The following ARHGAP8 variants were observed in gnomAD, a reference collection of about 807,000 sequenced individuals.
ARHGAP8 encodes the protein rho GTPase-activating protein 8.
A neutral mutation model predicts 46.1 loss-of-function variants in ARHGAP8; 62 were observed. The observed-to-expected ratio is 1.34, with a 90% CI of 1.10 to 1.66. The LOEUF (loss-of-function observed/expected upper bound fraction) is 1.66. Among genes scored for constraint, ARHGAP8 ranks in the 40% most tolerant of loss-of-function variants. ARHGAP8 has a pLI of 0.00. For missense variants in ARHGAP8, 923 were observed against 568.4 expected, an observed-to-expected ratio of 1.62 and a Z score of -6.34; for synonymous variants, 375 against 243.1, an observed-to-expected ratio of 1.54 and a Z score of -5.05.
At chr22:44,796,483 G>T (rs185968540) in intron 2 of ARHGAP8, among the ~76,000 whole-genome samples, 57 of 152,114 alleles carry the variant, frequency 3.7e-4, no homozygotes, top group African/African-American at 1.3e-3. Context: ...TGGCGGGGGT[G>T]GGGGGCTCTA....
chr22:44,761,027 G>T (rs944825705), intron 1 of ARHGAP8, among the ~76,000 whole-genome samples: 1 of 152,202 alleles, frequency 6.6e-6, no homozygotes, highest in African/African-American at 2.4e-5. Flanking sequence ...GGGCCCACTT[G>T]TAATGTCTGG....
Position 44,764,941 on chromosome 22 carries a change from TGTG to T in ARHGAP8, c.-72+12318_-72+12320del, listed in dbSNP as rs368281965. ...CTGTTGCTACACAAGGCCCGGATTA[TGTG>T]GTGCTCACATTGAGTGAGGAAACTT... On this transcript the variant is annotated intron_variant, in intron 1 of 11. Coordinates refer to ENST00000356099, the MANE Select transcript of ARHGAP8 (RefSeq NM_181335.3). 3.3e-4 allele frequency among the ~76,000 whole-genome samples: 50 copies of T among 152,338 alleles called. No homozygotes were observed. In the South Asian group the frequency reaches 9.7e-3, roughly 30 times the overall value.
chr22:44,859,652 C>A (rs747894346), intron 10 of ARHGAP8, 79 bp from the exon 11 acceptor site: 1 of 1,498,820 alleles, frequency 6.7e-7, no homozygotes, highest in African/African-American at 1.4e-5. Context: ...TTCCTACACC[C>A]CTGTTCTCCT....
intron 11 of ARHGAP8, among the ~76,000 whole-genome samples, chr22:44,861,915 C>CGG (rs2070506622): frequency 1.3e-5 from 2 of 152,084 alleles, no homozygotes; most frequent in Non-Finnish European, 2.9e-5. Flanking sequence ...GTTCGCCACT[C>CGG]ACAGAGCCGA....
chr22:44,759,101 G>A (rs964410848), intron 1 of ARHGAP8, among the ~76,000 whole-genome samples: 12 of 152,238 alleles, frequency 7.9e-5, no homozygotes, highest in Non-Finnish European at 1.5e-5. Flanking sequence ...ACCCTGGAGT[G>A]TGGGTGGAAC....
chr22:44,764,551 G>C (rs1449983820), intron 1 of ARHGAP8, among the ~76,000 whole-genome samples: 2 of 152,236 alleles, frequency 1.3e-5, no homozygotes, highest in East Asian at 3.9e-4. Context: ...CAGGTTCTCT[G>C]CTGGAGCCGA....
In ARHGAP8 at chr22:44,862,657, T is replaced by TTGTAAA. The variant is rs1158706923; in HGVS notation, c.*63_*68dup. The TTGTAAA allele has an allele frequency of 6.7e-7, 1 of 1,497,140 alleles. No homozygotes were observed. The highest frequency in any genetic ancestry group is 1.4e-5 in the African/African-American group (1 of 71,426). 92.7% of individuals were successfully genotyped at this position (1,497,140 alleles called of 1,614,324 possible). On this transcript the variant is annotated 3_prime_UTR_variant, in exon 12 of 12. Transcript: ENST00000356099. ...ACACCTGTCTGTGCACTTGTATGTT[T>TTGTAAA]TGTAAACTTGGCATCTGTAAAAATA...
intron 7 of ARHGAP8, among the ~76,000 whole-genome samples, chr22:44,830,973 G>A (rs1303494242): frequency 6.6e-6 from 1 of 152,014 alleles, no homozygotes; most frequent in East Asian, 1.9e-4. Context: ...TACCTTCTTT[G>A]GAAAAATGTA....
intron 7 of ARHGAP8, among the ~76,000 whole-genome samples, chr22:44,826,178 T>C (rs1257904225): frequency 6.6e-6 from 1 of 152,036 alleles, no homozygotes; most frequent in Non-Finnish European, 1.5e-5. Flanking sequence ...TGGTGATGTA[T>C]AGGCCTGGGT....
At chr22:44,860,511 C>T (rs1026462543) in intron 11 of ARHGAP8, among the ~76,000 whole-genome samples, 3 of 149,506 alleles carry the variant, frequency 2.0e-5, no homozygotes, top group Non-Finnish European at 4.4e-5. Context: ...GGTTTAGGAC[C>T]CACCCAGATG....
Position 44,814,672 on chromosome 22 carries a change from G to C in ARHGAP8, c.300G>C (p.Lys100Asn). 6.2e-7 allele frequency: 1 copy of C among 1,613,740 alleles called. No individual in the cohort carries two copies. Among genetic ancestry groups the C allele is most frequent in the Non-Finnish European group, 8.5e-7 (1 of 1,179,848 alleles). ...AGTCATCCCCCGTTTCCCTCCTCAGGTACAAGAAGAACTTGAAGGCCCTCT... is the reference window on the plus strand; with the variant it reads ...AGTCATCCCCCGTTTCCCTCCTCAGCTACAAGAAGAACTTGAAGGCCCTCT... ...LQSAYKEFDRKYKKNLKALYV... is the reference protein window; with the variant it reads ...LQSAYKEFDRNYKKNLKALYV... Residue 100 changes from lysine (K) to asparagine (N), a missense_variant and splice_region_variant, in exon 5 of 12, where the codon AAG becomes AAC. Coordinates refer to ENST00000356099, the MANE Select transcript of ARHGAP8 (RefSeq NM_181335.3).
At chr22:44,835,135 A>T (rs375504341) in intron 7 of ARHGAP8, among the ~76,000 whole-genome samples, 11 of 151,668 alleles carry the variant, frequency 7.3e-5, no homozygotes, top group African/African-American at 2.7e-4. Context: ...TTTGTTTTCT[A>T]TATGTCTTTT....
intron 7 of ARHGAP8, among the ~76,000 whole-genome samples, chr22:44,843,644 C>A (rs553627860): frequency 1.3e-5 from 2 of 152,042 alleles, no homozygotes; most frequent in East Asian, 3.9e-4. Flanking sequence ...GCCTGGACAA[C>A]ATGACAAAAC....
chr22:44,846,144 G>A (rs770623028), intron 8 of ARHGAP8, among the ~76,000 whole-genome samples: 11 of 152,136 alleles, frequency 7.2e-5, no homozygotes, highest in Non-Finnish European at 1.2e-4. Context: ...CTCTGCCCAC[G>A]GACTCAGCAC....
chr22:44,778,227 A>G (rs1432904038), intron 1 of ARHGAP8, among the ~76,000 whole-genome samples: 1 of 151,812 alleles, frequency 6.6e-6, no homozygotes, highest in Non-Finnish European at 1.5e-5. Flanking sequence ...TGTTTTTCTT[A>G]TGCCTTTGCA....
At chr22:44,830,024 CT>C (rs386395573) in intron 7 of ARHGAP8, among the ~76,000 whole-genome samples, 71 of 142,514 alleles carry the variant, frequency 5.0e-4, no homozygotes, top group East Asian at 6.1e-4. Flanking sequence ...TCCTCTCTCT[CT>C]TTTTTTTTTT....
intron 1 of ARHGAP8, among the ~76,000 whole-genome samples, chr22:44,770,810 G>A (rs1309057387): frequency 1.3e-5 from 2 of 152,170 alleles, no homozygotes; most frequent in East Asian, 3.9e-4. Context: ...CTAGGTCTTT[G>A]CAGAATTCAG....
chr22:44,862,569 C>T lies in ARHGAP8; in HGVS notation c.1276C>T (p.Leu426=). The T allele has an allele frequency of 1.3e-6, 2 of 1,591,468 alleles. No homozygotes were observed. Among genetic ancestry groups the T allele is most frequent in the Non-Finnish European group, 1.7e-6 (2 of 1,163,682 alleles). The change falls in exon 12 of 12, where the codon CTG becomes TTG. Residue 426 remains leucine (L), a synonymous_variant. Coordinates refer to ENST00000356099, the MANE Select transcript of ARHGAP8 (RefSeq NM_181335.3). The stretch of plus-strand genomic sequence containing the variant: ...CAAGCCTACCCTACCTCCGAGTCCC[C>T]TGATGGCAGCCAGAAGACGTCTCTA... ...LTKPTLPPSP[L]MAARRRL
At chr22:44,770,606 A>G (rs1925926980) in intron 1 of ARHGAP8, among the ~76,000 whole-genome samples, 1 of 152,120 alleles carries the variant, frequency 6.6e-6, no homozygotes, top group Non-Finnish European at 1.5e-5. Context: ...AGGTTTTACC[A>G]TGATGCCCAG....
Sources: allele counts gnomAD v4.1 joint callset (sites outside exome capture counted in the v4.1 genomes callset), GRCh38; gene constraint gnomAD v4.1.1; transcripts MANE v1.5; gene names NCBI Gene and HGNC (gene_info 2026-07-23, HGNC 2026-07-21).